The following CD300E variants were observed in gnomAD, a reference collection of about 807,000 sequenced individuals.
CD300E encodes the protein CD300e molecule, also known as CMRF35-like molecule 2.
Under a neutral mutation model 20.9 loss-of-function variants are expected in CD300E, and 14 were observed. The ratio of observed to expected loss-of-function variants is 0.67; its 90% CI spans 0.44 to 1.05. CD300E has a LOEUF of 1.05. Among genes scored for constraint, CD300E ranks in the 50% least tolerant of loss-of-function variants. CD300E has a pLI of 0.00. For synonymous variants in CD300E, 102 were observed against 103.7 expected (o/e 0.98, Z 0.10); for missense variants, 237 against 253.9 (o/e 0.93, Z 0.45).
intron 1 of CD300E, among the ~76,000 whole-genome samples, chr17:74,621,010 T>A (rs1053454346): frequency 6.6e-6 from 1 of 150,844 alleles, no homozygotes; most frequent in South Asian, 2.1e-4. Flanking sequence ...CCCACTGCAC[T>A]CCAGCCTGGG....
rs1219162190 is a variant in CD300E, at chr17:74,617,121, G to A, written c.385C>T (p.Pro129Ser). ...CCAAAGTGAGGGGAGCTCTTACCTG[G>A]GGAAACATACACCCTAACCAGGTCC... ...PSDLVRVYVS[P>S]AITTPRRTTH... Residue 129 changes from proline to serine, a missense_variant, in exon 2 of 4, where the codon CCA (proline) becomes TCA (serine). Coordinates refer to ENST00000392619, the MANE Select transcript of CD300E (RefSeq NM_181449.3). 1 of 1,613,224 alleles carries A rather than the reference G, an allele frequency of 6.2e-7. No homozygotes were observed. Among genetic ancestry groups the A allele is most frequent in the Non-Finnish European group, 8.5e-7 (1 of 1,179,222 alleles).
At chr17:74,615,537 T>A (rs1251782932) in intron 2 of CD300E, among the ~76,000 whole-genome samples, 1 of 152,172 alleles carries the variant, frequency 6.6e-6, no homozygotes, top group Non-Finnish European at 1.5e-5. Context: ...ACTCTTAACT[T>A]CTACTGGCAG....
rs556092853 is a variant in CD300E at position 74,615,484 on chromosome 17, T to C, written c.389-1451A>G. 3.9e-5 allele frequency among the ~76,000 whole-genome samples: 6 copies of C among 152,272 alleles called. No homozygotes were observed. In the South Asian group the frequency reaches 1.2e-3, roughly 32 times the overall value. Reference sequence around the variant, plus strand: ...GAGAAGGAAAGAAACTGATGTCCTGTGTGTTCTCAGGAAGGTAGATGTATG... The same window carrying C: ...GAGAAGGAAAGAAACTGATGTCCTGCGTGTTCTCAGGAAGGTAGATGTATG... On this transcript the variant is annotated intron_variant, in intron 2 of 3. Transcript: ENST00000392619.
At chr17:74,614,154 C>T in intron 2 of CD300E, 121 bp from the exon 3 acceptor site, 4 of 808,792 alleles carry the variant, frequency 4.9e-6, no homozygotes, top group Non-Finnish European at 8.1e-6. Context: ...TCTTCTGAAG[C>T]CAGATCCAGG....
intron 1 of CD300E, among the ~76,000 whole-genome samples, chr17:74,622,941 T>C (rs187914402): frequency 6.6e-6 from 1 of 152,150 alleles, no homozygotes; most frequent in Non-Finnish European, 1.5e-5. Flanking sequence ...TTTCACCATG[T>C]TGGCCAGGCT....
rs767152574 is a variant in CD300E at position 74,617,401 on chromosome 17, C to T, written c.105G>A (p.Trp35Ter). The T allele has an allele frequency of 6.2e-7, 1 of 1,614,148 alleles. No individual in the cohort carries two copies. Among genetic ancestry groups the T allele is most frequent in the Non-Finnish European group, 8.5e-7 (1 of 1,180,028 alleles). ...TGTAGDSLTVWCQYESMYKGY... is the reference protein window; with the variant it reads ...TGTAGDSLTV The stretch of plus-strand genomic sequence containing the variant: ...CCTTGTACATGCTCTCATACTGACA[C>T]CACACTGTCAGAGAGTCCCCCGCAG... The change falls in exon 2 of 4, where the codon TGG becomes TGA. Residue 35 changes from tryptophan (W) to a stop codon, truncating the protein, a stop_gained. Coordinates refer to ENST00000392619, the MANE Select transcript of CD300E (RefSeq NM_181449.3). LOFTEE classifies it high-confidence loss of function.
At chr17:74,621,113 C>T (rs1465278349) in intron 1 of CD300E, among the ~76,000 whole-genome samples, 1 of 152,156 alleles carries the variant, frequency 6.6e-6, no homozygotes, top group African/African-American at 2.4e-5. Flanking sequence ...AAATCACAGA[C>T]CCTCAGATGT....
chr17:74,623,573 C>T lies in CD300E; in HGVS notation c.40+9G>A. ...AAAACCAAGTCCCCAAAGCCACAGC[C>T]CCACTCACCTGAGAGGCAGAGAAGG... On this transcript the variant is annotated intron_variant, in intron 1 of 3. Transcript: ENST00000392619. The T allele has an allele frequency of 6.2e-7, 1 of 1,614,048 alleles. No homozygotes were observed.
At chr17:74,612,967 T>G (rs994626435) in intron 3 of CD300E, among the ~76,000 whole-genome samples, 194 bp from the exon 4 acceptor site, 8 of 151,666 alleles carry the variant, frequency 5.3e-5, no homozygotes, top group African/African-American at 1.9e-4. Flanking sequence ...GCCCGGGGGG[T>G]CTCATCAAGG....
chr17:74,618,567 T>C (rs972281272), intron 1 of CD300E, among the ~76,000 whole-genome samples: 3 of 152,158 alleles, frequency 2.0e-5, no homozygotes, highest in African/African-American at 7.2e-5. Flanking sequence ...TCTGAGGTGA[T>C]TGAGGATGGA....
At chr17:74,613,840 T>A (rs1272506183) in intron 3 of CD300E, 85 bp downstream of exon 3, 5 of 773,288 alleles carry the variant, frequency 6.5e-6, no homozygotes, top group African/African-American at 1.7e-5. Flanking sequence ...ACAGTGACGA[T>A]CTCAGGTCAC....
Position 74,623,565 on chromosome 17 carries a change from G to T in CD300E, c.40+17C>A, listed in dbSNP as rs771662321. On this transcript the variant is annotated intron_variant, in intron 1 of 3. Coordinates refer to ENST00000392619, the MANE Select transcript of CD300E (RefSeq NM_181449.3). ...CCCCCTGCAAAACCAAGTCCCCAAA[G>T]CCACAGCCCCACTCACCTGAGAGGC... The T allele has an allele frequency of 6.2e-7, 1 of 1,613,710 alleles. No individual in the cohort carries two copies. Among genetic ancestry groups the T allele is most frequent in the African/African-American group, 1.3e-5 (1 of 74,880 alleles).
At chr17:74,621,561 C>T (rs371910819) in intron 1 of CD300E, among the ~76,000 whole-genome samples, 10 of 152,280 alleles carry the variant, frequency 6.6e-5, no homozygotes, top group East Asian at 1.9e-4. Flanking sequence ...TATATAAATG[C>T]GTCGGTGCAT....
At chr17:74,622,170 T>C (rs572425409) in intron 1 of CD300E, among the ~76,000 whole-genome samples, 1 of 152,078 alleles carries the variant, frequency 6.6e-6, no homozygotes, top group South Asian at 2.1e-4. Context: ...CCTGCTAGAA[T>C]TGCCCTTTCC....
In CD300E at chr17:74,617,401, C is replaced by G. The variant is rs767152574; in HGVS notation, c.105G>C (p.Trp35Cys). Residue 35 changes from tryptophan to cysteine, a missense_variant, in exon 2 of 4, where the codon TGG (tryptophan) becomes TGC (cysteine). Trp to Cys is a radical substitution (Grantham distance 215). Transcript: ENST00000392619. The part of the protein sequence containing the change: ...TGTAGDSLTV[W>C]CQYESMYKGY... ...CCTTGTACATGCTCTCATACTGACA[C>G]CACACTGTCAGAGAGTCCCCCGCAG... 1 of 1,614,030 alleles carries G rather than the reference C, an allele frequency of 6.2e-7. No homozygotes were observed. The highest frequency in any genetic ancestry group is 1.3e-5 in the African/African-American group (1 of 74,914).
Position 74,617,458 on chromosome 17 carries a change from C to G in CD300E, c.48G>C (p.Leu16Phe). The change falls in exon 2 of 4, where the codon TTG (leucine) becomes TTC (phenylalanine). Residue 16 changes from leucine (L) to phenylalanine (F), a missense_variant. Physicochemically the swap from Leu to Phe is conservative, Grantham distance 22 (BLOSUM62 0). Coordinates refer to ENST00000392619, the MANE Select transcript of CD300E (RefSeq NM_181449.3). ...TCACAGAGCCGGGGCCCTTCAGAGA[C>G]AAACAGCCTGGAAAACACAAGCCCG... ...ALLLLCLSGC[L>F]SLKGPGSVTG... is the part of the protein sequence containing the mutation. The G allele has an allele frequency of 3.7e-6, 6 of 1,611,520 alleles. No homozygotes were observed. Among genetic ancestry groups the G allele is most frequent in the Non-Finnish European group, 5.1e-6 (6 of 1,179,262 alleles).
At chr17:74,615,113 G>A (rs965149799) in intron 2 of CD300E, among the ~76,000 whole-genome samples, 2 of 152,194 alleles carry the variant, frequency 1.3e-5, no homozygotes, top group African/African-American at 4.8e-5. Context: ...CCCTGGGAAG[G>A]AGCCCCAGCA....
chr17:74,617,578 G>A, intron 1 of CD300E, 113 bp from the exon 2 acceptor site: 1 of 875,692 alleles, frequency 1.1e-6, no homozygotes, highest in Non-Finnish European at 1.8e-6. Context: ...TTCCTGGGAG[G>A]GGAACCTGGA....
At chr17:74,618,690 G>T (rs1305180632) in intron 1 of CD300E, among the ~76,000 whole-genome samples, 2 of 152,006 alleles carry the variant, frequency 1.3e-5, no homozygotes, top group African/African-American at 4.8e-5. Flanking sequence ...TGGCAGATGT[G>T]TGAGCTGCCA....
Sources: allele counts gnomAD v4.1 joint callset (sites outside exome capture counted in the v4.1 genomes callset), GRCh38; gene constraint gnomAD v4.1.1; transcripts MANE v1.5; gene names NCBI Gene and HGNC (gene_info 2026-07-23, HGNC 2026-07-21).